Variants in TRABD2B observed in about 807,000 individuals in gnomAD.
TRABD2B encodes the protein TraB domain containing 2B.
In TRABD2B, 14 loss-of-function variants were observed where a neutral mutation model predicts 40.1. The observed-to-expected ratio is 0.35, with a 90% CI of 0.23 to 0.55. TRABD2B has a LOEUF of 0.55. Ranked by LOEUF, TRABD2B falls within the 20% of genes least tolerant of loss-of-function variation. The probability of loss-of-function intolerance (pLI) is 0.90; values close to 1 mark genes in which losing one functional copy is unlikely to be tolerated. For synonymous variants in TRABD2B, 263 were observed against 277.0 expected (o/e 0.95, Z 0.50); for missense variants, 541 against 648.6 (o/e 0.83, Z 1.80).
At chr1:47,961,076 A>G (rs554969926) in intron 2 of TRABD2B, among the ~76,000 whole-genome samples, 335 of 152,294 alleles carry the variant, frequency 2.2e-3, no homozygotes, top group African/African-American at 7.9e-3. Flanking sequence ...CAACCATCTG[A>G]CCTTTGACAA....
Position 47,997,174 on chromosome 1 carries a change from C to G in TRABD2B, c.-385G>C. The G allele has an allele frequency of 1.0e-6, 1 of 983,220 alleles. No homozygotes were observed. Among genetic ancestry groups the G allele is most frequent in the Non-Finnish European group, 1.2e-6 (1 of 829,132 alleles). 60.9% of individuals were successfully genotyped at this position (983,220 alleles called of 1,614,324 possible). A position where few individuals can be genotyped will look rare whatever the true frequency, so the allele number is the denominator to read the frequency against. On this transcript the variant is annotated 5_prime_UTR_variant, in exon 1 of 7. Transcript: ENST00000606738. Reference sequence around the variant, plus strand: ...GGTGCGCAAGGGTCCCGGGGTTATGCTGGGCACCCGGGGCACGCAAGGGTC... The same window carrying G: ...GGTGCGCAAGGGTCCCGGGGTTATGGTGGGCACCCGGGGCACGCAAGGGTC...
intron 2 of TRABD2B, among the ~76,000 whole-genome samples, chr1:47,926,816 C>T (rs1486653228): frequency 6.6e-6 from 1 of 152,146 alleles, no homozygotes; most frequent in East Asian, 1.9e-4. Context: ...CCTTCCTCTC[C>T]AGCACACCCT....
rs565378704 is a variant in TRABD2B, at chr1:47,801,351, C to T, written c.813+122G>A. On this transcript the variant is annotated intron_variant, in intron 3 of 6. Transcript: ENST00000606738. The stretch of plus-strand genomic sequence containing the variant: ...CATCTCTGAGCCTCAATTTCCCCAC[C>T]TATAAAAGGGGAATAACGATAGCTC... 2.9e-5 allele frequency: 31 copies of T among 1,067,450 alleles called. No homozygotes were observed. The African/African-American group carries it at 4.1e-4, about 14-fold the overall frequency. 66.1% of individuals were successfully genotyped at this position (1,067,450 alleles called of 1,614,324 possible).
chr1:47,892,855 G>C (rs1644466825), intron 2 of TRABD2B, among the ~76,000 whole-genome samples: 1 of 152,242 alleles, frequency 6.6e-6, no homozygotes, highest in Non-Finnish European at 1.5e-5. Flanking sequence ...CCAGCACCAT[G>C]AAACAGCAGG....
intron 2 of TRABD2B, among the ~76,000 whole-genome samples, chr1:47,833,207 G>C (rs1264857983): frequency 6.6e-6 from 1 of 152,214 alleles, no homozygotes; most frequent in Non-Finnish European, 1.5e-5. Flanking sequence ...TTCTGAGCCA[G>C]GGAGTCTTGA....
In TRABD2B at chr1:47,939,133, A is replaced by AC. The variant is rs150627849; in HGVS notation, c.666+54900dup. On this transcript the variant is annotated intron_variant, in intron 2 of 6. Transcript: ENST00000606738. ...GAGGAGCCTTGAATTCCTAATGCCAACCCCCCCACCCCCAGGATTCTGTAA... is the reference window on the plus strand; with the variant it reads ...GAGGAGCCTTGAATTCCTAATGCCAACCCCCCCCACCCCCAGGATTCTGTAA... Among the ~76,000 whole-genome samples, 545 of 151,616 alleles carry AC rather than the reference A, an allele frequency of 3.6e-3. 6 individuals carry two copies. The highest frequency in any genetic ancestry group is 0.012 in the African/African-American group (501 of 41,310).
chr1:47,880,048 G>A (rs984772985), intron 2 of TRABD2B, among the ~76,000 whole-genome samples: 2 of 152,242 alleles, frequency 1.3e-5, no homozygotes, highest in Non-Finnish European at 2.9e-5. Context: ...AGCGGCTCAC[G>A]CCTGTAATCC....
chr1:47,989,171 T>C (rs1645964425), intron 2 of TRABD2B, among the ~76,000 whole-genome samples: 1 of 152,214 alleles, frequency 6.6e-6, no homozygotes, highest in African/African-American at 2.4e-5. Context: ...TCCAGAACTG[T>C]GAGCCATAAT....
At chr1:47,860,800 C>T (rs1643955976) in intron 2 of TRABD2B, among the ~76,000 whole-genome samples, 1 of 152,176 alleles carries the variant, frequency 6.6e-6, no homozygotes, top group Admixed American at 6.5e-5. Context: ...CAAGGTTCCT[C>T]CTCCCATTTG....
intron 2 of TRABD2B, among the ~76,000 whole-genome samples, chr1:47,839,726 C>A (rs1404293683): frequency 6.6e-6 from 1 of 152,216 alleles, no homozygotes; most frequent in African/African-American, 2.4e-5. Context: ...TCCTCGCCAT[C>A]ATCACTGCTG....
intron 2 of TRABD2B, among the ~76,000 whole-genome samples, chr1:47,881,495 A>G (rs764477994): frequency 1.7e-4 from 26 of 152,206 alleles, no homozygotes; most frequent in Non-Finnish European, 3.4e-4. Context: ...ACACCATGAG[A>G]TTGGTACTAT....
chr1:47,906,937 C>T (rs531222014), intron 2 of TRABD2B, among the ~76,000 whole-genome samples: 3 of 152,338 alleles, frequency 2.0e-5, no homozygotes, highest in Admixed American at 6.5e-5. Flanking sequence ...TGTTAGAAAA[C>T]ACAGTGCCTG....
chr1:47,794,692 G>A lies in TRABD2B; in HGVS notation c.882C>T (p.Tyr294=). 6.5e-7 allele frequency: 1 copy of A among 1,536,076 alleles called. No individual in the cohort carries two copies. Among genetic ancestry groups the A allele is most frequent in the Non-Finnish European group, 8.7e-7 (1 of 1,146,644 alleles). The change falls in exon 4 of 7, where the codon TAC becomes TAT. Residue 294 remains tyrosine, a synonymous_variant. Coordinates refer to ENST00000606738, the MANE Select transcript of TRABD2B (RefSeq NM_001194986.2). ...EQVTAQEIDS[Y]FRQELIYKRN... is the part of the protein sequence containing the mutation. ...TCTTGTAGATGAGCTCCTGGCGGAAGTAGCTGTCAATCTCCTGGGCCGTCA... is the reference window on the plus strand; with the variant it reads ...TCTTGTAGATGAGCTCCTGGCGGAAATAGCTGTCAATCTCCTGGGCCGTCA...
chr1:47,826,156 C>G (rs1366076072), intron 2 of TRABD2B, among the ~76,000 whole-genome samples: 2 of 152,156 alleles, frequency 1.3e-5, no homozygotes, highest in Admixed American at 1.3e-4. Context: ...TGAGCTCCAT[C>G]CATCACACAT....
rs528186206 is a variant in TRABD2B at position 47,764,180 on chromosome 1, A to G, written c.*1722T>C. 3.9e-5 allele frequency: 6 copies of G among 152,400 alleles called. No homozygotes were observed. Among genetic ancestry groups the G allele is most frequent in the Non-Finnish European group, 5.9e-5 (4 of 68,054 alleles). 9.4% of individuals were successfully genotyped at this position (152,400 alleles called of 1,614,324 possible). ...CCAATTAGCTGCCATCAAGCCTGCC[A>G]GGGAAACCCACGAAGCTATAAAGTT... On this transcript the variant is annotated 3_prime_UTR_variant, in exon 7 of 7. Transcript: ENST00000606738.
Position 47,940,381 on chromosome 1 carries a change from C to T in TRABD2B, c.666+53653G>A, listed in dbSNP as rs190803570. Among the ~76,000 whole-genome samples the T allele has an allele frequency of 5.9e-5, 9 of 152,242 alleles. No individual in the cohort carries two copies. The East Asian group carries it at 1.2e-3, about 20-fold the overall frequency. ...AACAAGTCACTGTGTCCGACGATGG[C>T]GATGATGGAATTTGTTGGGGTGTAC... On this transcript the variant is annotated intron_variant, in intron 2 of 6. Coordinates refer to ENST00000606738, the MANE Select transcript of TRABD2B (RefSeq NM_001194986.2).
intron 2 of TRABD2B, among the ~76,000 whole-genome samples, chr1:47,810,226 T>C (rs183447458): frequency 2.6e-5 from 4 of 151,770 alleles, no homozygotes; most frequent in Admixed American, 2.0e-4. Context: ...TTTTTTAGAG[T>C]TGGGGCCCTG....
chr1:47,785,266 C>T (rs1644580310), intron 4 of TRABD2B, among the ~76,000 whole-genome samples: 1 of 152,152 alleles, frequency 6.6e-6, no homozygotes, highest in Non-Finnish European at 1.5e-5. Flanking sequence ...AACACTCTCC[C>T]AGGCAACTGT....
chr1:47,878,768 G>C (rs535471750), intron 2 of TRABD2B, among the ~76,000 whole-genome samples: 1 of 152,142 alleles, frequency 6.6e-6, no homozygotes, highest in East Asian at 1.9e-4. Flanking sequence ...TTTTATTATG[G>C]TATTCACAAA....
Sources: gnomAD v4.1 joint callset for allele counts (sites outside exome capture counted in the v4.1 genomes callset) on GRCh38, gnomAD v4.1.1 for gene constraint, MANE v1.5 for transcripts, NCBI Gene and HGNC (gene_info 2026-07-23, HGNC 2026-07-21) for gene names.